FOXI2: variants seen among roughly 807,000 people sequenced by gnomAD.
FOXI2 encodes the protein forkhead box I2.
In FOXI2, 17 loss-of-function variants were observed where a neutral mutation model predicts 14.3. The observed-to-expected ratio is 1.19, with a 90% confidence interval of 0.81 to 1.78. The LOEUF is 1.78. FOXI2 is among the 40% of genes most tolerant of loss of function. The pLI is 0.00. For synonymous variants in FOXI2, 240 were observed against 218.8 expected (o/e 1.10, Z -0.85); for missense variants, 541 against 460.0 (o/e 1.18, Z -1.61).
intron 1 of FOXI2, 46 bp from the exon 2 acceptor site, chr10:127,738,474 C>A: frequency 6.7e-7 from 1 of 1,489,644 alleles, no homozygotes; most frequent in Non-Finnish European, 9.2e-7. Context: ...CACCACGGCC[C>A]GTCAAAGCTC....
In FOXI2 at chr10:127,738,595, AGAG is replaced by A. The variant is rs773164522; in HGVS notation, c.591_593del (p.Arg198del). On this transcript the variant is annotated inframe_deletion, in exon 2 of 2. Transcript: ENST00000388920. ...AACGGGAACTTCCGAAGGAAGAGGA[AGAG>A]GAGAGCTGAAGCCAGCGCGGCCGTG... is the stretch of plus-strand genomic sequence containing the variant. The A allele has an allele frequency of 1.0e-4, 169 of 1,612,056 alleles. 2 individuals carry two copies. The highest frequency in any genetic ancestry group is 1.3e-5 in the Non-Finnish European group (15 of 1,178,986).
Position 127,739,854 on chromosome 10 carries a change from CA to C in FOXI2, c.*890del, listed in dbSNP as rs1846479708. 1 of 40,174 alleles carries C rather than the reference CA, an allele frequency of 2.5e-5. No homozygotes were observed. The highest frequency in any genetic ancestry group is 6.3e-5 in the Non-Finnish European group (1 of 15,998). The allele number at this position is 40,174 out of a possible 1,614,324, so 2.5% of individuals were successfully genotyped here. ...ACACCCACACTCACACTCACACTCACACCCACACTCACACCCACACTCACAC... is the reference window on the plus strand; with the variant it reads ...ACACCCACACTCACACTCACACTCACCCCACACTCACACCCACACTCACAC... On this transcript the variant is annotated 3_prime_UTR_variant, in exon 2 of 2. Transcript: ENST00000388920.
At chr10:127,738,391 T>C in intron 1 of FOXI2, 129 bp from the exon 2 acceptor site, 1 of 676,946 alleles carries the variant, frequency 1.5e-6, no homozygotes, top group South Asian at 1.9e-5. Context: ...AAGGGTGGAA[T>C]GGGGGCGAGG....
Position 127,739,839 on chromosome 10 carries a change from T to TGACACC in FOXI2, c.*874_*875insGACACC, listed in dbSNP as rs1846477816. 1 of 74,204 alleles carries TGACACC rather than the reference T, an allele frequency of 1.3e-5. No homozygotes were observed. The allele number at this position is 74,204 out of a possible 1,614,324, so 4.6% of individuals were successfully genotyped here. A position where few individuals can be genotyped will look rare whatever the true frequency, so the allele number is the denominator to read the frequency against. On this transcript the variant is annotated 3_prime_UTR_variant, in exon 2 of 2. Coordinates refer to ENST00000388920, the MANE Select transcript of FOXI2 (RefSeq NM_207426.3). The stretch of plus-strand genomic sequence containing the variant: ...CCCACACCCACACCCACACCCACAC[T>TGACACC]CACACTCACACTCACACCCACACTC...
rs2134995146 is a variant in FOXI2, at chr10:127,738,951, G to A, written c.943G>A (p.Gly315Arg). Reference protein sequence around the residue: ...RLSHLLYSREGTEV With the variant: ...RLSHLLYSRERTEV ...CAGTCACCTCCTCTACAGCCGGGAA[G>A]GGACCGAAGTTTGAAGGGAGGCTGG... Residue 315 changes from glycine to arginine, a missense_variant, in exon 2 of 2, where the codon GGG becomes AGG. Transcript: ENST00000388920. 3 of 1,600,470 alleles carry A rather than the reference G, an allele frequency of 1.9e-6. No individual in the cohort carries two copies. The highest frequency in any genetic ancestry group is 2.2e-5 in the South Asian group (2 of 90,988).
At chr10:127,738,188 T>C (rs1277514189) in intron 1 of FOXI2, among the ~76,000 whole-genome samples, 5 of 152,164 alleles carry the variant, frequency 3.3e-5, no homozygotes, top group Admixed American at 6.5e-5. Context: ...CTCTGGAGCC[T>C]ACCTGGGGGC....
chr10:127,737,398 G>A lies in FOXI2; in HGVS notation c.125G>A (p.Trp42Ter), dbSNP rs1846429469. ...GCGGTGGGCGGGGGCCCCCTCCTGT[G>A]GGTGAACGCGCCAGCGCTCAGCCCC... ...LGAVGGGPLL[W>*]VNAPALSPKS... The change falls in exon 1 of 2, where the codon TGG becomes TAG. Residue 42 changes from tryptophan to a stop codon, truncating the protein, a stop_gained. Transcript: ENST00000388920. LOFTEE classifies it high-confidence loss of function. The A allele has an allele frequency of 7.2e-7, 1 of 1,389,514 alleles. No homozygotes were observed. The highest frequency in any genetic ancestry group is 3.1e-5 in the East Asian group (1 of 32,736). The allele number at this position is 1,389,514 out of a possible 1,614,324, so 86.1% of individuals were successfully genotyped here. A position where few individuals can be genotyped will look rare whatever the true frequency, so the allele number is the denominator to read the frequency against.
chr10:127,739,964 C>G lies in FOXI2; in HGVS notation c.*999C>G, dbSNP rs1248280818. On this transcript the variant is annotated 3_prime_UTR_variant, in exon 2 of 2. Coordinates refer to ENST00000388920, the MANE Select transcript of FOXI2 (RefSeq NM_207426.3). ...ACACTCACACCCACACACACCCACA[C>G]TCATACTCACACTCACACCCACACT... 5.5e-5 allele frequency: 1 copy of G among 18,204 alleles called. No homozygotes were observed. The allele number at this position is 18,204 out of a possible 1,614,324, so 1.1% of individuals were successfully genotyped here. A position where few individuals can be genotyped will look rare whatever the true frequency, so the allele number is the denominator to read the frequency against.
Position 127,737,600 on chromosome 10 carries a change from G to T in FOXI2, c.327G>T (p.Ala109=). The T allele has an allele frequency of 6.4e-7, 1 of 1,555,512 alleles. No homozygotes were observed. The highest frequency in any genetic ancestry group is 2.4e-5 in the East Asian group (1 of 41,094). ...RLVRPPYSYS[A]LIAMAIQSAP... ...TGCGGCCGCCCTACTCCTACTCGGC[G>T]CTCATCGCCATGGCCATCCAGAGCG... is the stretch of plus-strand genomic sequence containing the variant. Residue 109 remains alanine, a synonymous_variant, in exon 1 of 2, where the codon GCG becomes GCT. Transcript: ENST00000388920.
chr10:127,740,065 CT>C lies in FOXI2; in HGVS notation c.*1101del, dbSNP rs1447291113. On this transcript the variant is annotated 3_prime_UTR_variant, in exon 2 of 2. Transcript: ENST00000388920. ...ACTGACACCCACACTCACACCCACA[CT>C]CATACTCACACTCACACCCACACTC... is the stretch of plus-strand genomic sequence containing the variant. 9.8e-5 allele frequency: 2 copies of C among 20,440 alleles called. No individual in the cohort carries two copies. The highest frequency in any genetic ancestry group is 3.5e-4 in the Non-Finnish European group (2 of 5,636). The allele number at this position is 20,440 out of a possible 1,614,324, so 1.3% of individuals were successfully genotyped here. A position where few individuals can be genotyped will look rare whatever the true frequency, so the allele number is the denominator to read the frequency against.
Position 127,739,952 on chromosome 10 carries a change from C to T in FOXI2, c.*987C>T, listed in dbSNP as rs1204347924. 3 of 50,088 alleles carry T rather than the reference C, an allele frequency of 6.0e-5. No individual in the cohort carries two copies. The highest frequency in any genetic ancestry group is 1.5e-4 in the Non-Finnish European group (3 of 20,654). The allele number at this position is 50,088 out of a possible 1,614,324, so 3.1% of individuals were successfully genotyped here. ...TCACACCCACACACACTCACACCCA[C>T]ACACACCCACACTCATACTCACACT... is the stretch of plus-strand genomic sequence containing the variant. On this transcript the variant is annotated 3_prime_UTR_variant, in exon 2 of 2. Transcript: ENST00000388920.
At position 127,741,052 on chromosome 10, in the gene FOXI2, A is replaced by G. The variant is rs562559567; in HGVS notation, c.*2087A>G. ...AACCCGCAATCTCTCTTGGGGGGACACTCCCCATAAGCAATACAATTAAAG... is the reference window on the plus strand; with the variant it reads ...AACCCGCAATCTCTCTTGGGGGGACGCTCCCCATAAGCAATACAATTAAAG... On this transcript the variant is annotated 3_prime_UTR_variant, in exon 2 of 2. Transcript: ENST00000388920. 6.6e-6 allele frequency: 1 copy of G among 152,234 alleles called. No homozygotes were observed. The highest frequency in any genetic ancestry group is 2.4e-5 in the African/African-American group (1 of 41,540). The allele number at this position is 152,234 out of a possible 1,614,324, so 9.4% of individuals were successfully genotyped here. A position where few individuals can be genotyped will look rare whatever the true frequency, so the allele number is the denominator to read the frequency against.
In FOXI2 at chr10:127,737,476, A is replaced by C; in HGVS notation, c.203A>C (p.Tyr68Ser). ...GCGCCGCCCTACGCGGCCCCGAGCT[A>C]CGGGGCTCCCGGCCCGCTCCTCGGC... Reference protein sequence around the residue: ...GPAPPYAAPSYGAPGPLLGAP... With the variant: ...GPAPPYAAPSSGAPGPLLGAP... The change falls in exon 1 of 2, where the codon TAC becomes TCC. Residue 68 changes from tyrosine to serine, a missense_variant. By Grantham distance (144) the Tyr-to-Ser change is moderately radical. Coordinates refer to ENST00000388920, the MANE Select transcript of FOXI2 (RefSeq NM_207426.3). 7.2e-7 allele frequency: 1 copy of C among 1,385,322 alleles called. No individual in the cohort carries two copies. Among genetic ancestry groups the C allele is most frequent in the Non-Finnish European group, 9.3e-7 (1 of 1,080,922 alleles). The allele number at this position is 1,385,322 out of a possible 1,614,324, so 85.8% of individuals were successfully genotyped here. A position where few individuals can be genotyped will look rare whatever the true frequency, so the allele number is the denominator to read the frequency against.
chr10:127,738,549 A>C lies in FOXI2; in HGVS notation c.541A>C (p.Asn181His). ...AGGCAATTACTGGACCCTGGACCCC[A>C]ACTGCGAGAAGATGTTTGACAACGG... ...GKGNYWTLDPNCEKMFDNGNF... is the reference protein window; with the variant it reads ...GKGNYWTLDPHCEKMFDNGNF... The change falls in exon 2 of 2, where the codon AAC becomes CAC. Residue 181 changes from asparagine to histidine, a missense_variant. Physicochemically the swap from Asn to His is moderately conservative, Grantham distance 68. Coordinates refer to ENST00000388920, the MANE Select transcript of FOXI2 (RefSeq NM_207426.3). The C allele has an allele frequency of 6.2e-7, 1 of 1,613,178 alleles. No individual in the cohort carries two copies. Among genetic ancestry groups the C allele is most frequent in the Non-Finnish European group, 8.5e-7 (1 of 1,179,546 alleles).
intron 1 of FOXI2, 95 bp downstream of exon 1, chr10:127,737,879 A>C: frequency 3.3e-6 from 5 of 1,504,544 alleles, no homozygotes; most frequent in Non-Finnish European, 4.5e-6. Context: ...AGACAACCTA[A>C]TTTCTCCCTG....
chr10:127,738,323 G>A (rs1846443643), intron 1 of FOXI2, among the ~76,000 whole-genome samples, 197 bp from the exon 2 acceptor site: 1 of 152,022 alleles, frequency 6.6e-6, no homozygotes, highest in Admixed American at 6.5e-5. Context: ...CTCCTTTCTG[G>A]ATTGTCACTT....
At position 127,739,805 on chromosome 10, in the gene FOXI2, A is replaced by T. The variant is rs563668593; in HGVS notation, c.*840A>T. The T allele has an allele frequency of 1.4e-4, 17 of 120,338 alleles. No individual in the cohort carries two copies. In the East Asian group the frequency reaches 3.7e-3, roughly 26 times the overall value. The allele number at this position is 120,338 out of a possible 1,614,324, so 7.5% of individuals were successfully genotyped here. ...CACACTCACACCCACACTCACACCC[A>T]CACTCACACCCACACCCACACCCAC... On this transcript the variant is annotated 3_prime_UTR_variant, in exon 2 of 2. Coordinates refer to ENST00000388920, the MANE Select transcript of FOXI2 (RefSeq NM_207426.3).
Position 127,739,753 on chromosome 10 carries a change from A to G in FOXI2, c.*788A>G, listed in dbSNP as rs990385158. ...GTGCCCAGCACCCAGGAGTTCCCCA[A>G]GGGTCCAGGTTTGTGCCACCCACAC... On this transcript the variant is annotated 3_prime_UTR_variant, in exon 2 of 2. Transcript: ENST00000388920. 3.3e-5 allele frequency: 5 copies of G among 152,042 alleles called. No individual in the cohort carries two copies. The highest frequency in any genetic ancestry group is 1.2e-4 in the African/African-American group (5 of 41,194). The allele number at this position is 152,042 out of a possible 1,614,324, so 9.4% of individuals were successfully genotyped here. A position where few individuals can be genotyped will look rare whatever the true frequency, so the allele number is the denominator to read the frequency against.
chr10:127,740,108 T>TCACACTCACACCCACACC lies in FOXI2; in HGVS notation c.*1148_*1149insTCACACCCACACCCACAC, dbSNP rs1453554489. The TCACACTCACACCCACACC allele has an allele frequency of 8.7e-5, 3 of 34,650 alleles. No individual in the cohort carries two copies. The highest frequency in any genetic ancestry group is 3.8e-4 in the Admixed American group (1 of 2,638). 2.1% of individuals were successfully genotyped at this position (34,650 alleles called of 1,614,324 possible). Reference sequence around the variant, plus strand: ...CCCACACTCACACTCACACCCACACTCACACCACACTCACACCCACACACA... The same window carrying TCACACTCACACCCACACC: ...CCCACACTCACACTCACACCCACACTCACACTCACACCCACACCCACACCACACTCACACCCACACACA... On this transcript the variant is annotated 3_prime_UTR_variant, in exon 2 of 2. Coordinates refer to ENST00000388920, the MANE Select transcript of FOXI2 (RefSeq NM_207426.3).
Sources: allele counts gnomAD v4.1 joint callset (sites outside exome capture counted in the v4.1 genomes callset), GRCh38; gene constraint gnomAD v4.1.1; transcripts MANE v1.5; gene names NCBI Gene and HGNC (gene_info 2026-07-23, HGNC 2026-07-21).